Variants in TRIM5 observed in about 807,000 individuals in gnomAD.
The protein encoded by TRIM5 is tripartite motif-containing protein 5.
TRIM5 carries 31 observed loss-of-function variants against 35.6 expected under a neutral mutation model. The observed-to-expected ratio is 0.87, with a 90% CI of 0.65 to 1.18. TRIM5 has a LOEUF of 1.18. Among genes scored for constraint, TRIM5 ranks in the 50% most tolerant of loss-of-function variants. TRIM5 has a pLI of 0.00. For missense variants in TRIM5, 609 were observed against 591.6 expected (o/e 1.03, Z -0.31); for synonymous variants, 243 against 215.6 (o/e 1.13, Z -1.11).
At chr11:5,603,354 CT>C in the TRIM5 span, 1 of 1,614,040 alleles carries the variant, frequency 6.2e-7, no homozygotes, top group Non-Finnish European at 8.5e-7. Context: ...AAGAGGTGAC[CT>C]GCCCTATCTG....
At chr11:5,654,602 GGGAGCT>G in the TRIM5 span, among the ~76,000 whole-genome samples, 4 of 152,286 alleles carry the variant, frequency 2.6e-5, no homozygotes, top group African/African-American at 9.6e-5. Flanking sequence ...CAGCATACAT[GGGAGCT>G]GGTGGTGGCA....
chr11:5,595,419 T>C, the TRIM5 span: 1 of 152,266 alleles, frequency 6.6e-6, no homozygotes, highest in Admixed American at 6.5e-5. Context: ...CACAGCTTTA[T>C]ACATACATAC....
chr11:5,604,681 A>G, the TRIM5 span: 1 of 1,581,134 alleles, frequency 6.3e-7, no homozygotes, highest in Non-Finnish European at 8.6e-7. Flanking sequence ...ATGGCAGGTC[A>G]TAGGAGCTGA....
chr11:5,603,724 C>G, the TRIM5 span: 2 of 1,613,192 alleles, frequency 1.2e-6, no homozygotes, highest in African/African-American at 1.3e-5. Context: ...GGAGGTTGCC[C>G]AGGAGTACCA....
chr11:5,651,209 C>T, the TRIM5 span, among the ~76,000 whole-genome samples: 6 of 152,184 alleles, frequency 3.9e-5, no homozygotes, highest in Non-Finnish European at 5.9e-5. Flanking sequence ...CACCTCACAC[C>T]ACCAGATCCC....
chr11:5,667,010 C>T lies in TRIM5; in HGVS notation c.767+679G>A, dbSNP rs537894278. ...ATATAAGAGAAAAAGAAGATATGGC[C>T]CATCCAAAATAAATCAAGAACCTAT... On this transcript the variant is annotated intron_variant, in intron 5 of 7. Coordinates refer to ENST00000380034, the MANE Select transcript of TRIM5 (RefSeq NM_033034.3). Among the ~76,000 whole-genome samples, 9 of 151,970 alleles carry T rather than the reference C, an allele frequency of 5.9e-5. No homozygotes were observed. In the East Asian group the frequency reaches 1.7e-3, roughly 29 times the overall value.
the TRIM5 span, among the ~76,000 whole-genome samples, chr11:5,639,931 GTAAAT>G: frequency 6.6e-6 from 1 of 152,138 alleles, no homozygotes. Context: ...GTACATCAGA[GTAAAT>G]GATGTATCCA....
chr11:5,603,395 TA>T, the TRIM5 span: 1,020 of 1,613,870 alleles, frequency 6.3e-4, 1 homozygote, highest in Non-Finnish European at 8.2e-4. Flanking sequence ...CCCCTGAGCA[TA>T]GACTGTGGCC....
At chr11:5,599,448 G>A in the TRIM5 span, among the ~76,000 whole-genome samples, 1 of 150,890 alleles carries the variant, frequency 6.6e-6, no homozygotes, top group African/African-American at 2.4e-5. Context: ...CTGTCGCCCA[G>A]GCTGGAGTGC....
the TRIM5 span, among the ~76,000 whole-genome samples, chr11:5,599,100 G>C: frequency 6.6e-6 from 1 of 152,064 alleles, no homozygotes; most frequent in Admixed American, 6.6e-5. Flanking sequence ...CACTTTGCAT[G>C]CTTTTGAGAT....
the TRIM5 span, among the ~76,000 whole-genome samples, chr11:5,657,611 T>TA: frequency 9.4e-6 from 1 of 105,980 alleles, no homozygotes; most frequent in East Asian, 5.4e-4. Context: ...TATATATTTA[T>TA]ATATTATATA....
At chr11:5,633,150 T>C in the TRIM5 span, among the ~76,000 whole-genome samples, 5,664 of 144,106 alleles carry the variant, frequency 0.039, 216 homozygotes, top group East Asian at 0.17. Context: ...TTCTTTCTTT[T>C]TTTTTTTTTT....
the TRIM5 span, among the ~76,000 whole-genome samples, chr11:5,592,930 A>G: frequency 1.2e-4 from 15 of 128,452 alleles, no homozygotes; most frequent in Non-Finnish European, 1.9e-4. Flanking sequence ...AAAAAAAAAA[A>G]GAAAAAAGAA....
the TRIM5 span, among the ~76,000 whole-genome samples, chr11:5,604,165 T>TGTGTGTGTGTGC: frequency 7.0e-6 from 1 of 143,204 alleles, no homozygotes; most frequent in African/African-American, 2.6e-5. Flanking sequence ...CAGCTAATTG[T>TGTGTGTGTGTGC]GTGTGTGTGT....
rs758747919 is a variant in TRIM5, at chr11:5,664,981, C to G, written c.1310G>C (p.Arg437Pro). The G allele has an allele frequency of 1.2e-6, 2 of 1,613,890 alleles. No individual in the cohort carries two copies. The highest frequency in any genetic ancestry group is 1.7e-6 in the Non-Finnish European group (2 of 1,180,014). ...VPLSVIICPD[R>P]VGVFLDYEAC... Reference sequence around the variant, plus strand: ...CTCATAGTCTAGGAAAACTCCAACACGATCAGGACAAATAATCACAGAGAG... The same window carrying G: ...CTCATAGTCTAGGAAAACTCCAACAGGATCAGGACAAATAATCACAGAGAG... The change falls in exon 8 of 8, where the codon CGT (arginine) becomes CCT (proline). Residue 437 changes from arginine to proline, a missense_variant. Coordinates refer to ENST00000380034, the MANE Select transcript of TRIM5 (RefSeq NM_033034.3).
At chr11:5,590,304 C>T in the TRIM5 span, 2 of 155,044 alleles carry the variant, frequency 1.3e-5, no homozygotes, top group African/African-American at 2.4e-5. Flanking sequence ...ACCTGCAGCC[C>T]CTGTGTGGGA....
the TRIM5 span, among the ~76,000 whole-genome samples, chr11:5,646,141 C>T: frequency 3.3e-5 from 5 of 150,758 alleles, no homozygotes; most frequent in Non-Finnish European, 5.9e-5. Context: ...ACACATATCC[C>T]CAAATACACC....
At chr11:5,637,124 G>C in the TRIM5 span, among the ~76,000 whole-genome samples, 437 of 152,206 alleles carry the variant, frequency 2.9e-3, 4 homozygotes, top group Non-Finnish European at 1.7e-3. Context: ...AGTGAGCCAA[G>C]ATGGCGCCAC....
the TRIM5 span, among the ~76,000 whole-genome samples, chr11:5,641,849 A>G: frequency 6.6e-6 from 1 of 152,198 alleles, no homozygotes; most frequent in African/African-American, 2.4e-5. Flanking sequence ...TTAGGTTGTC[A>G]TAACTTCTCC....
Sources: allele counts gnomAD v4.1 joint callset (sites outside exome capture counted in the v4.1 genomes callset), GRCh38; gene constraint gnomAD v4.1.1; transcripts MANE v1.5; gene names NCBI Gene and HGNC (gene_info 2026-07-23, HGNC 2026-07-21).